AKT1: variants seen among roughly 807,000 people sequenced by gnomAD.
AKT1 encodes AKT serine/threonine kinase 1, also known as RAC-alpha serine/threonine-protein kinase.
A neutral mutation model predicts 63.1 loss-of-function variants in AKT1; 21 were observed. That is an observed-to-expected ratio of 0.33 (90% CI 0.24 to 0.48). The LOEUF (loss-of-function observed/expected upper bound fraction) is 0.48, where lower values mean the gene tolerates loss of function less well. Ranked by LOEUF, AKT1 falls within the 20% of genes least tolerant of loss-of-function variation. AKT1 has a pLI of 0.99. For missense variants in AKT1, 382 were observed against 666.0 expected (o/e 0.57, Z 4.69); for synonymous variants, 257 against 253.1 (o/e 1.02, Z -0.15).
At chr14:104,774,026 C>A in intron 8 of AKT1, 46 bp from the exon 9 acceptor site, 2 of 1,575,824 alleles carry the variant, frequency 1.3e-6, no homozygotes, top group Non-Finnish European at 1.7e-6. Flanking sequence ...GGCAGGACGG[C>A]AGCCCCGCAC....
rs1892755250 is a variant in AKT1, at chr14:104,777,010, G to A, written c.176-240C>T. ...AGCCACACAGGGCATCTGGCCCGGC[G>A]TCAGGTCAAACCCCCACCATCGTCC... On this transcript the variant is annotated intron_variant, in intron 4 of 14. Transcript: ENST00000649815. 4 of 492,594 alleles carry A rather than the reference G, an allele frequency of 8.1e-6. No individual in the cohort carries two copies. In the Admixed American group the frequency reaches 1.1e-4, roughly 13 times the overall value. 30.5% of individuals were successfully genotyped at this position (492,594 alleles called of 1,614,324 possible).
intron 3 of AKT1, among the ~76,000 whole-genome samples, chr14:104,781,028 C>T (rs1008347857): frequency 4.6e-5 from 7 of 152,230 alleles, no homozygotes; most frequent in South Asian, 2.1e-4. Flanking sequence ...TACACGGGAA[C>T]ATTCTCCCTC....
At chr14:104,776,626 A>G in intron 5 of AKT1, 33 bp downstream of exon 5, 1 of 1,593,742 alleles carries the variant, frequency 6.3e-7, no homozygotes, top group Non-Finnish European at 8.6e-7. Context: ...GGGGCTGCCC[A>G]AGTGCCTGGC....
rs1893840198 is a variant in AKT1 at position 104,795,384 on chromosome 14, CGCCGCGGCTCGCGCCCCGGCCCGACCG to C, written c.-258+73_-258+99del. ...TGCTCCCGCTCCTCCATTCTGGCGG[CGCCGCGGCTCGCGCCCCGGCCCGACCG>C]GCCGCGAACAAAGCGGCCCGGCCCG... On this transcript the variant is annotated intron_variant, in intron 1 of 14. Transcript: ENST00000649815. The surrounding 1 kb of genome is among the most constrained non-coding windows in gnomAD (Gnocchi z 5.1). The C allele has an allele frequency of 6.7e-6, 1 of 148,666 alleles. No homozygotes were observed. The highest frequency in any genetic ancestry group is 1.5e-5 in the Non-Finnish European group (1 of 66,684). 9.2% of individuals were successfully genotyped at this position (148,666 alleles called of 1,614,324 possible). A position where few individuals can be genotyped will look rare whatever the true frequency, so the allele number is the denominator to read the frequency against.
rs1892577530 is a variant in AKT1 at position 104,774,196 on chromosome 14, A to AC, written c.634-217dup. On this transcript the variant is annotated intron_variant, in intron 8 of 14. Coordinates refer to ENST00000649815, the MANE Select transcript of AKT1 (RefSeq NM_001382430.1). The stretch of plus-strand genomic sequence containing the variant: ...CCCATCACACTGCCCCACACCATAC[A>AC]CCCCCACATCACACTGCCCCCATGC... 16 of 495,652 alleles carry AC rather than the reference A, an allele frequency of 3.2e-5. No individual in the cohort carries two copies. In the South Asian group the frequency reaches 3.4e-4, roughly 11 times the overall value. 30.7% of individuals were successfully genotyped at this position (495,652 alleles called of 1,614,324 possible).
chr14:104,791,480 A>G (rs1161933397), intron 3 of AKT1, among the ~76,000 whole-genome samples: 2 of 152,040 alleles, frequency 1.3e-5, no homozygotes, highest in Non-Finnish European at 2.9e-5. Flanking sequence ...GCGTGCCATC[A>G]CTGGTAGCTG....
chr14:104,772,810 A>C, intron 12 of AKT1, 68 bp downstream of exon 12: 1 of 1,510,540 alleles, frequency 6.6e-7, no homozygotes. Context: ...CGCCTGGCGC[A>C]GGGGCAGGTG....
chr14:104,780,453 T>C (rs1241643261), intron 3 of AKT1, among the ~76,000 whole-genome samples: 2 of 152,158 alleles, frequency 1.3e-5, no homozygotes, highest in African/African-American at 4.8e-5. Flanking sequence ...CCGAGCTGTG[T>C]CTGAAAACGG....
At chr14:104,783,822 G>C (rs544403535) in intron 3 of AKT1, among the ~76,000 whole-genome samples, 1 of 152,192 alleles carries the variant, frequency 6.6e-6, no homozygotes, top group Non-Finnish European at 1.5e-5. Context: ...TTTCAGACCC[G>C]GGACCTGGAG....
rs61759799 is a variant in AKT1, at chr14:104,782,719, C to T, written c.47-2503G>A. On this transcript the variant is annotated intron_variant, in intron 3 of 14. Transcript: ENST00000649815. ...GGCGATCAGGGCCTACCCCAGGAGA[C>T]GGGTGTGAGTGAAGGGGCCTCACGT... Among the ~76,000 whole-genome samples, 1,191 of 151,702 alleles carry T rather than the reference C, an allele frequency of 7.9e-3. 19 individuals carry two copies. Among genetic ancestry groups the T allele is most frequent in the African/African-American group, 0.027 (1,133 of 41,454 alleles).
intron 4 of AKT1, chr14:104,777,639 T>G (rs897687836): frequency 2.0e-6 from 2 of 987,986 alleles, no homozygotes; most frequent in Admixed American, 1.2e-4. Context: ...CTGAGAGGTG[T>G]GAGTGAGTGG....
chr14:104,784,996 G>A lies in AKT1; in HGVS notation c.47-4780C>T, dbSNP rs554800890. ...ACTTCGCAGAGACGGTGGTGGCAGC[G>A]GCTGGCAGGGTGCCAGGCGGCACCG... On this transcript the variant is annotated intron_variant, in intron 3 of 14. Transcript: ENST00000649815. Among the ~76,000 whole-genome samples the A allele has an allele frequency of 2.4e-3, 362 of 152,318 alleles. 2 individuals are homozygous for A. Among genetic ancestry groups the A allele is most frequent in the African/African-American group, 7.4e-3 (309 of 41,562 alleles).
rs377495551 is a variant in AKT1, at chr14:104,788,985, C to T, written c.46+3613G>A. On this transcript the variant is annotated intron_variant, in intron 3 of 14. Coordinates refer to ENST00000649815, the MANE Select transcript of AKT1 (RefSeq NM_001382430.1). Reference sequence around the variant, plus strand: ...GGCACCCAGATCCGTGGCTTGGACACGCTGCCCACACACTCAGGAGCGTCT... The same window carrying T: ...GGCACCCAGATCCGTGGCTTGGACATGCTGCCCACACACTCAGGAGCGTCT... 2.7e-3 allele frequency among the ~76,000 whole-genome samples: 412 copies of T among 152,336 alleles called. 1 individual carries two copies. Among genetic ancestry groups the T allele is most frequent in the African/African-American group, 9.3e-3 (385 of 41,568 alleles).
chr14:104,774,195 CACCCCCACAT>C (rs1892577352), intron 8 of AKT1: 1 of 575,684 alleles, frequency 1.7e-6, no homozygotes, highest in African/African-American at 2.0e-5. Flanking sequence ...CCACACCATA[CACCCCCACAT>C]CACACTGCCC....
intron 4 of AKT1, chr14:104,777,695 T>G: frequency 1.0e-6 from 1 of 985,784 alleles, no homozygotes; most frequent in Non-Finnish European, 1.2e-6. Context: ...GCCCAGCCTG[T>G]GCAAAGCAGG....
intron 4 of AKT1, among the ~76,000 whole-genome samples, chr14:104,779,711 C>T (rs1057215692): frequency 6.6e-6 from 1 of 151,028 alleles, no homozygotes; most frequent in Admixed American, 6.6e-5. Flanking sequence ...CCAGAGACCC[C>T]GGCCCAGCCA....
intron 3 of AKT1, among the ~76,000 whole-genome samples, chr14:104,789,962 C>T (rs1893541434): frequency 6.6e-6 from 1 of 152,202 alleles, no homozygotes; most frequent in African/African-American, 2.4e-5. Flanking sequence ...CACATCAGAA[C>T]AACAGAAAGC....
chr14:104,772,436 C>T lies in AKT1; in HGVS notation c.1189G>A (p.Glu397Lys), dbSNP rs531850885. Residue 397 changes from glutamate (E) to lysine (K), a missense_variant, in exon 13 of 15, where the codon GAG (glutamate) becomes AAG (lysine). By Grantham distance (56) the Glu-to-Lys change is moderately conservative. Transcript: ENST00000649815. ...DPKQRLGGGS[E>K]DAKEIMQHRF... ...TGCTGCATGATCTCCTTGGCGTCCT[C>T]GGAGCCCCCGCCAAGCCTGCAGGCA... The T allele has an allele frequency of 1.8e-5, 29 of 1,613,472 alleles. No homozygotes were observed. The highest frequency in any genetic ancestry group is 1.6e-4 in the Middle Eastern group (1 of 6,062).
intron 6 of AKT1, 66 bp downstream of exon 6, chr14:104,775,586 G>T: frequency 5.1e-6 from 8 of 1,558,342 alleles, no homozygotes; most frequent in South Asian, 1.2e-5. Flanking sequence ...GGGACCCCAT[G>T]ACCCACCCAG....
Sources: allele counts gnomAD v4.1 joint callset (sites outside exome capture counted in the v4.1 genomes callset), GRCh38; gene constraint gnomAD v4.1.1; non-coding constraint Gnocchi (gnomAD v3.1); transcripts MANE v1.5; gene names NCBI Gene and HGNC (gene_info 2026-07-23, HGNC 2026-07-21).